ATP8A1: variants seen among roughly 807,000 people sequenced by gnomAD.
The protein encoded by ATP8A1 is ATPase phospholipid transporting 8A1.
In ATP8A1, 90 loss-of-function variants were observed where a neutral mutation model predicts 177.7. That is an observed-to-expected ratio of 0.51 (90% CI 0.43 to 0.60). ATP8A1 has a LOEUF of 0.60. ATP8A1 is among the 20% of genes least tolerant of loss of function. The pLI, the probability that ATP8A1 is intolerant of heterozygous loss-of-function variation, is 0.00. For synonymous variants in ATP8A1, 493 were observed against 485.9 expected (o/e 1.01, Z -0.19); for missense variants, 1,072 against 1,392.8 (o/e 0.77, Z 3.67).
intron 12 of ATP8A1, among the ~76,000 whole-genome samples, chr4:42,577,350 T>C (rs1732575593): frequency 6.6e-6 from 1 of 152,172 alleles, no homozygotes; most frequent in South Asian, 2.1e-4. Context: ...TCATTTTAGA[T>C]TTCTAAATCA....
At chr4:42,430,323 T>C (rs2153170319) in intron 33 of ATP8A1, among the ~76,000 whole-genome samples, 1 of 152,204 alleles carries the variant, frequency 6.6e-6, no homozygotes, top group South Asian at 2.1e-4. Flanking sequence ...CATACTATTC[T>C]TAACAGAGCC....
At chr4:42,588,577 T>C in intron 7 of ATP8A1, 1 of 375,916 alleles carries the variant, frequency 2.7e-6, no homozygotes. Context: ...GTAATGGTCT[T>C]CAAGATAATG....
chr4:42,578,365 T>A lies in ATP8A1; in HGVS notation c.1023A>T (p.Gly341=), dbSNP rs764412674. The change falls in exon 12 of 37, where the codon GGA becomes GGT. Residue 341 remains glycine (G), a synonymous_variant. Coordinates refer to ENST00000381668, the MANE Select transcript of ATP8A1 (RefSeq NM_006095.2). ...GGATGATGAAGGTCAAGAAATTCAG[T>A]CCAAAATTACTAGCGCCACCATCTG... ...NLNYGGASNF[G]LNFLTFIILF... is the part of the protein sequence containing the mutation. 5 of 1,612,376 alleles carry A rather than the reference T, an allele frequency of 3.1e-6. No homozygotes were observed. In the Admixed American group the frequency reaches 5.0e-5, roughly 16 times the overall value.
rs575725288 is a variant in ATP8A1 at position 42,581,156 on chromosome 4, C to T, written c.834+465G>A. Among the ~76,000 whole-genome samples, 28 of 151,622 alleles carry T rather than the reference C, an allele frequency of 1.8e-4. No individual in the cohort carries two copies. The South Asian group carries it at 3.3e-3, about 18-fold the overall frequency. ...TTCTTTTTTTATTTTTTTTTTGAGA[C>T]GGAGTCTTGCTCTGTTGCCCAGGCT... is the stretch of plus-strand genomic sequence containing the variant. On this transcript the variant is annotated intron_variant, in intron 10 of 36. Transcript: ENST00000381668.
intron 9 of ATP8A1, among the ~76,000 whole-genome samples, chr4:42,584,681 G>C (rs967561553): frequency 6.6e-6 from 1 of 152,146 alleles, no homozygotes; most frequent in African/African-American, 2.4e-5. Context: ...TCAGTTTTCT[G>C]TCTATACCCT....
intron 25 of ATP8A1, among the ~76,000 whole-genome samples, chr4:42,466,441 T>C (rs1335189883): frequency 1.3e-5 from 2 of 152,234 alleles, no homozygotes; most frequent in Non-Finnish European, 2.9e-5. Flanking sequence ...TGCACAAATA[T>C]GTGCCTTCAG....
intron 20 of ATP8A1, among the ~76,000 whole-genome samples, chr4:42,533,687 T>G (rs1434755699): frequency 6.6e-6 from 1 of 152,180 alleles, no homozygotes; most frequent in East Asian, 1.9e-4. Context: ...CTCTTGAAAG[T>G]GCCACCTCCT....
chr4:42,464,885 C>G lies in ATP8A1; in HGVS notation c.2508+8G>C. On this transcript the variant is annotated splice_region_variant and intron_variant, in intron 26 of 36. Transcript: ENST00000381668. Reference sequence around the variant, plus strand: ...GGAATGATGTGTTTTGCAGAAATGACGCTTTACCTGAGCTATGGAGTAGTC... The same window carrying G: ...GGAATGATGTGTTTTGCAGAAATGAGGCTTTACCTGAGCTATGGAGTAGTC... 1 of 1,613,768 alleles carries G rather than the reference C, an allele frequency of 6.2e-7. No individual in the cohort carries two copies. The highest frequency in any genetic ancestry group is 8.5e-7 in the Non-Finnish European group (1 of 1,179,740).
At chr4:42,425,611 TAAG>T (rs997747689) in intron 33 of ATP8A1, among the ~76,000 whole-genome samples, 1 of 152,060 alleles carries the variant, frequency 6.6e-6, no homozygotes, top group Non-Finnish European at 1.5e-5. Context: ...CCTTTCTGTA[TAAG>T]AAAGCTCCCC....
At chr4:42,414,474 A>G (rs189253325) in intron 36 of ATP8A1, among the ~76,000 whole-genome samples, 153 bp downstream of exon 36, 3 of 152,370 alleles carry the variant, frequency 2.0e-5, no homozygotes, top group South Asian at 2.1e-4. Context: ...GTTCTGACCA[A>G]TGGATTTTCT....
chr4:42,628,887 T>C (rs552147092), intron 1 of ATP8A1, among the ~76,000 whole-genome samples: 2 of 152,358 alleles, frequency 1.3e-5, no homozygotes, highest in African/African-American at 4.8e-5. Flanking sequence ...ATTTACTTTA[T>C]ATAATGGACT....
intron 33 of ATP8A1, among the ~76,000 whole-genome samples, chr4:42,432,209 A>G (rs139357586): frequency 1.3e-5 from 2 of 152,270 alleles, no homozygotes; most frequent in East Asian, 3.9e-4. Flanking sequence ...GGGTTACTCT[A>G]GAGTACCCCG....
At chr4:42,649,486 A>G (rs1271597325) in intron 1 of ATP8A1, among the ~76,000 whole-genome samples, 4 of 152,160 alleles carry the variant, frequency 2.6e-5, no homozygotes, top group Admixed American at 6.5e-5. Context: ...TATAATCACA[A>G]TGTGATTATA....
At chr4:42,465,105 GT>G (rs751764598) in intron 25 of ATP8A1, 29 bp from the exon 26 acceptor site, 2 of 1,581,626 alleles carry the variant, frequency 1.3e-6, no homozygotes, top group Admixed American at 3.6e-5. Flanking sequence ...ATCAATTACT[GT>G]TTTCTGAAAA....
Position 42,409,225 on chromosome 4 carries a change from C to CAA in ATP8A1, c.*3689_*3690dup, listed in dbSNP as rs1378115929. 6.6e-6 allele frequency: 1 copy of CAA among 152,134 alleles called. No homozygotes were observed. Among genetic ancestry groups the CAA allele is most frequent in the African/African-American group, 2.4e-5 (1 of 41,446 alleles). The allele number at this position is 152,134 out of a possible 1,614,324, so 9.4% of individuals were successfully genotyped here. ...GAACTCATGCAAACCATAAACCTAT[C>CAA]AAAAACACAGCTGTTCTCATACAGA... On this transcript the variant is annotated 3_prime_UTR_variant, in exon 37 of 37. Transcript: ENST00000381668.
At chr4:42,650,923 C>T (rs1741027288) in intron 1 of ATP8A1, among the ~76,000 whole-genome samples, 1 of 152,158 alleles carries the variant, frequency 6.6e-6, no homozygotes, top group African/African-American at 2.4e-5. Context: ...TATAGTTTGG[C>T]TGTGTCCCCA....
rs771366084 is a variant in ATP8A1, at chr4:42,581,687, C to T, written c.768G>A (p.Gln256=). 2 of 1,614,180 alleles carry T rather than the reference C, an allele frequency of 1.2e-6. No individual in the cohort carries two copies. The highest frequency in any genetic ancestry group is 2.2e-5 in the South Asian group (2 of 91,084). Residue 256 remains glutamine (Q), a synonymous_variant, in exon 10 of 37, where the codon CAG becomes CAA. Transcript: ENST00000381668. The stretch of plus-strand genomic sequence containing the variant: ...CATGAACCCACTGTGTATTTCTCAA[C>T]TGAGCTCCTCGAAGAAGAATCTGAT... The part of the protein sequence containing the change: ...GADQILLRGA[Q]LRNTQWVHGI...
intron 22 of ATP8A1, among the ~76,000 whole-genome samples, chr4:42,507,724 C>T (rs112519338): frequency 0.018 from 476 of 26,794 alleles, 6 homozygotes; most frequent in African/African-American, 0.049. Context: ...AGCGAGACTC[C>T]ATCTCAAAAA....
chr4:42,424,846 T>C (rs17630373), intron 33 of ATP8A1, among the ~76,000 whole-genome samples: 27,465 of 152,166 alleles, frequency 0.18, 2,993 homozygotes, highest in South Asian at 0.3. Flanking sequence ...TGAATACTTT[T>C]AAAATAAAAA....
Sources: gnomAD v4.1 joint callset for allele counts (sites outside exome capture counted in the v4.1 genomes callset) on GRCh38, gnomAD v4.1.1 for gene constraint, MANE v1.5 for transcripts, NCBI Gene and HGNC (gene_info 2026-07-23, HGNC 2026-07-21) for gene names.